The following NDUFA10 variants were observed in gnomAD, a reference collection of about 807,000 sequenced individuals.
NDUFA10 encodes the protein NADH:ubiquinone oxidoreductase subunit A10.
Under a neutral mutation model 47.8 loss-of-function variants are expected in NDUFA10, and 40 were observed. The ratio of observed to expected loss-of-function variants is 0.84; its 90% CI spans 0.65 to 1.09. The LOEUF (loss-of-function observed/expected upper bound fraction) is 1.09, where lower values mean the gene tolerates loss of function less well. Among genes scored for constraint, NDUFA10 ranks in the 50% least tolerant of loss-of-function variants. The probability of loss-of-function intolerance (pLI) is 0.00; values close to 1 mark genes in which losing one functional copy is unlikely to be tolerated. For missense variants in NDUFA10, 413 were observed against 451.1 expected (o/e 0.92, Z 0.76); for synonymous variants, 183 against 172.2 (o/e 1.06, Z -0.49).
At chr2:240,000,267 A>G (rs1445515191) in intron 8 of NDUFA10, among the ~76,000 whole-genome samples, 3 of 151,984 alleles carry the variant, frequency 2.0e-5, no homozygotes, top group African/African-American at 7.3e-5. Context: ...ACAGGAGGTG[A>G]CAGCTCCACG....
intron 4 of NDUFA10, among the ~76,000 whole-genome samples, chr2:239,951,085 C>T (rs907431118): frequency 6.6e-6 from 1 of 152,198 alleles, no homozygotes; most frequent in African/African-American, 2.4e-5. Context: ...AACCCTAAAA[C>T]AATGCTGACA....
intron 4 of NDUFA10, among the ~76,000 whole-genome samples, chr2:239,949,097 C>T (rs12695027): frequency 0.53 from 80,967 of 152,034 alleles, 21,811 homozygotes; most frequent in East Asian, 0.67. Context: ...TTGGGACGGA[C>T]GTATGAGAGC....
At chr2:239,931,828 C>T (rs1182142259) in intron 4 of NDUFA10, among the ~76,000 whole-genome samples, 3 of 122,352 alleles carry the variant, frequency 2.5e-5, no homozygotes, top group Non-Finnish European at 5.1e-5. Context: ...ATCTGCACCT[C>T]TGCTTTTTTT....
chr2:239,985,311 G>GAA (rs1695953806), intron 9 of NDUFA10, among the ~76,000 whole-genome samples: 1 of 152,248 alleles, frequency 6.6e-6, no homozygotes, highest in Non-Finnish European at 1.5e-5. Context: ...CAGTAAACTT[G>GAA]AAATTATAAC....
intron 4 of NDUFA10, among the ~76,000 whole-genome samples, chr2:239,942,444 C>G (rs1394212719): frequency 6.6e-6 from 1 of 152,224 alleles, no homozygotes; most frequent in Non-Finnish European, 1.5e-5. Flanking sequence ...TTCAGCCTTG[C>G]TATGTCGTTT....
intron 9 of NDUFA10, among the ~76,000 whole-genome samples, chr2:239,979,090 G>A (rs904233954): frequency 7.9e-5 from 12 of 152,264 alleles, no homozygotes; most frequent in African/African-American, 2.2e-4. Flanking sequence ...TGAGAAGTGT[G>A]CTCCTGTGTA....
chr2:240,025,090 G>C (rs999424427), intron 1 of NDUFA10, 137 bp downstream of exon 1: 2 of 841,404 alleles, frequency 2.4e-6, no homozygotes, highest in South Asian at 2.1e-5. Flanking sequence ...TCCGGAGGCA[G>C]GAGGGGTCCC....
At chr2:239,925,850 C>T (rs189697274) in intron 4 of NDUFA10, among the ~76,000 whole-genome samples, 10 of 152,298 alleles carry the variant, frequency 6.6e-5, no homozygotes, top group Non-Finnish European at 1.3e-4. Context: ...GTGCAAAAGA[C>T]ATGAACAGAT....
intron 4 of NDUFA10, among the ~76,000 whole-genome samples, chr2:239,912,229 C>T (rs986000587): frequency 1.3e-5 from 2 of 152,156 alleles, no homozygotes; most frequent in African/African-American, 4.8e-5. Flanking sequence ...CCCCTGGCTC[C>T]ATAGAATAAG....
rs751441059 is a variant in NDUFA10 at position 239,959,438 on chromosome 2, C to CT, written c.*1679_*1680insA. The CT allele has an allele frequency of 2.2e-4, 218 of 985,372 alleles. No homozygotes were observed. The highest frequency in any genetic ancestry group is 2.5e-4 in the Non-Finnish European group (209 of 829,950). The allele number at this position is 985,372 out of a possible 1,614,324, so 61.0% of individuals were successfully genotyped here. ...TGGCTTTCTTTTTCTTTCCTCCCCT[C>CT]CACAATGGGTTTGTGAAGTGCTCAG... On this transcript the variant is annotated 3_prime_UTR_variant, in exon 10 of 10. Transcript: ENST00000252711.
In NDUFA10 at chr2:239,960,406, TA is replaced by T. The variant is rs1694801919; in HGVS notation, c.*711del. The T allele has an allele frequency of 1.0e-6, 1 of 986,296 alleles. No individual in the cohort carries two copies. The highest frequency in any genetic ancestry group is 1.2e-6 in the Non-Finnish European group (1 of 830,624). 61.1% of individuals were successfully genotyped at this position (986,296 alleles called of 1,614,324 possible). On this transcript the variant is annotated 3_prime_UTR_variant, in exon 10 of 10. Coordinates refer to ENST00000252711, the MANE Select transcript of NDUFA10 (RefSeq NM_004544.4). ...AGTATATTATTTTGCTTTTGCATCT[TA>T]TGTCATCAACAGCCTAAGCTCAAAT...
chr2:239,893,368 A>T (rs4289227), intron 5 of NDUFA10, among the ~76,000 whole-genome samples: 23,801 of 152,196 alleles, frequency 0.16, 1,970 homozygotes, highest in Admixed American at 0.22. Flanking sequence ...CTGTGCCAAT[A>T]CGGCAGCCCT....
At chr2:239,936,546 C>T (rs1309088836) in intron 4 of NDUFA10, among the ~76,000 whole-genome samples, 1 of 152,174 alleles carries the variant, frequency 6.6e-6, no homozygotes, top group Non-Finnish European at 1.5e-5. Context: ...GGCTCACACA[C>T]CAGGACAGGG....
At chr2:239,946,441 C>A (rs952317485) in intron 4 of NDUFA10, among the ~76,000 whole-genome samples, 1 of 152,228 alleles carries the variant, frequency 6.6e-6, no homozygotes, top group African/African-American at 2.4e-5. Context: ...GGCCTGCAAA[C>A]CCCTCAGTGA....
intron 4 of NDUFA10, among the ~76,000 whole-genome samples, chr2:239,925,810 A>T (rs1002362997): frequency 2.6e-5 from 4 of 152,226 alleles, no homozygotes; most frequent in Non-Finnish European, 5.9e-5. Flanking sequence ...TCAAATCTCA[A>T]CAATGATCAG....
chr2:239,915,534 AACAT>A (rs1194452627), intron 4 of NDUFA10, among the ~76,000 whole-genome samples: 3 of 131,496 alleles, frequency 2.3e-5, no homozygotes, highest in Non-Finnish European at 4.8e-5. Context: ...CAGATACACA[AACAT>A]ACACAGAGAA....
intron 9 of NDUFA10, among the ~76,000 whole-genome samples, chr2:239,984,561 A>C (rs1695921093): frequency 6.6e-6 from 1 of 152,240 alleles, no homozygotes; most frequent in Non-Finnish European, 1.5e-5. Flanking sequence ...CAAACTGAAA[A>C]GCAGACAAAA....
intron 9 of NDUFA10, among the ~76,000 whole-genome samples, chr2:239,978,976 A>G (rs183204980): frequency 1.3e-5 from 2 of 152,316 alleles, no homozygotes; most frequent in Admixed American, 6.5e-5. Flanking sequence ...TTTTCATGTG[A>G]AAGTTAGAAT....
intron 4 of NDUFA10, among the ~76,000 whole-genome samples, chr2:239,913,746 T>C (rs11895146): frequency 0.19 from 29,168 of 152,182 alleles, 3,306 homozygotes; most frequent in African/African-American, 0.31. Context: ...GCAGAGTCCC[T>C]GAGCTCAACC....
Sources: gnomAD v4.1 joint callset for allele counts (sites outside exome capture counted in the v4.1 genomes callset) on GRCh38, gnomAD v4.1.1 for gene constraint, MANE v1.5 for transcripts, NCBI Gene and HGNC (gene_info 2026-07-23, HGNC 2026-07-21) for gene names.